Variants in EPSTI1 observed in about 807,000 individuals in gnomAD.
EPSTI1 encodes epithelial stromal interaction 1, also known as epithelial-stromal interaction protein 1.
EPSTI1 carries 66 observed loss-of-function variants against 49.9 expected under a neutral mutation model. The ratio of observed to expected loss-of-function variants is 1.32; its 90% CI spans 1.08 to 1.62. The LOEUF (loss-of-function observed/expected upper bound fraction) is 1.62, where lower values mean the gene tolerates loss of function less well. EPSTI1 is among the 40% of genes most tolerant of loss of function. The pLI, the probability that EPSTI1 is intolerant of heterozygous loss-of-function variation, is 0.00. For missense variants in EPSTI1, 394 were observed against 365.5 expected (o/e 1.08, Z -0.64); for synonymous variants, 137 against 130.7 (o/e 1.05, Z -0.33).
chr13:42,939,651 T>C (rs1306735014), intron 6 of EPSTI1, among the ~76,000 whole-genome samples: 1 of 152,040 alleles, frequency 6.6e-6, no homozygotes. Context: ...CCCAAAACAA[T>C]TACAATAGTA....
chr13:42,989,014 C>T (rs546524377), intron 1 of EPSTI1, among the ~76,000 whole-genome samples: 5 of 147,970 alleles, frequency 3.4e-5, no homozygotes, highest in South Asian at 4.4e-4. Flanking sequence ...TATGTGCCAC[C>T]GTGCCCAGAT....
intron 1 of EPSTI1, among the ~76,000 whole-genome samples, chr13:42,986,482 C>T (rs554369843): frequency 3.9e-5 from 6 of 152,100 alleles, no homozygotes; most frequent in Non-Finnish European, 7.4e-5. Context: ...CAGTGGCTCA[C>T]GCCTGTAATC....
At chr13:42,968,933 C>CAA (rs2039692660) in intron 3 of EPSTI1, among the ~76,000 whole-genome samples, 161 bp downstream of exon 3, 1 of 128,286 alleles carries the variant, frequency 7.8e-6, no homozygotes, top group Admixed American at 8.2e-5. Context: ...CACACACACA[C>CAA]ACACACACAC....
chr13:42,902,947 A>G (rs186199676), intron 8 of EPSTI1, among the ~76,000 whole-genome samples: 1 of 152,358 alleles, frequency 6.6e-6, no homozygotes, highest in East Asian at 1.9e-4. Flanking sequence ...AGTCATGTCC[A>G]GAACTACAGG....
chr13:42,963,242 T>G lies in EPSTI1; in HGVS notation c.489+13A>C, dbSNP rs1192124150. 1.2e-5 allele frequency: 20 copies of G among 1,604,732 alleles called. No homozygotes were observed. The highest frequency in any genetic ancestry group is 1.7e-5 in the Non-Finnish European group (20 of 1,172,442). On this transcript the variant is annotated intron_variant, in intron 5 of 10. Coordinates refer to ENST00000313624, the MANE Select transcript of EPSTI1 (RefSeq NM_033255.5). ...TTGATCAGCAAATGTGAACTAATCCTCCTCCTCCTTACCTTCTCTCTCTGA... is the reference window on the plus strand; with the variant it reads ...TTGATCAGCAAATGTGAACTAATCCGCCTCCTCCTTACCTTCTCTCTCTGA...
chr13:42,893,330 G>A (rs2037093870), intron 10 of EPSTI1, among the ~76,000 whole-genome samples: 1 of 152,212 alleles, frequency 6.6e-6, no homozygotes, highest in South Asian at 2.1e-4. Context: ...TCCCCCAGGA[G>A]GTGGAGAAGA....
intron 10 of EPSTI1, among the ~76,000 whole-genome samples, chr13:42,891,001 G>A (rs1302893510): frequency 6.6e-6 from 1 of 152,074 alleles, no homozygotes; most frequent in East Asian, 1.9e-4. Context: ...TGAGATGATC[G>A]TATGGAGTTT....
chr13:42,975,862 G>A (rs2039872021), intron 1 of EPSTI1, among the ~76,000 whole-genome samples: 1 of 152,166 alleles, frequency 6.6e-6, no homozygotes, highest in South Asian at 2.1e-4. Context: ...TATAAAGAGT[G>A]TATATGAAGT....
intron 3 of EPSTI1, among the ~76,000 whole-genome samples, chr13:42,964,873 G>A (rs2039560993): frequency 6.6e-6 from 1 of 152,178 alleles, no homozygotes; most frequent in Non-Finnish European, 1.5e-5. Context: ...AGCTTGGTGT[G>A]CGTATTATAA....
intron 6 of EPSTI1, among the ~76,000 whole-genome samples, chr13:42,944,714 T>TG (rs139329224): frequency 0.061 from 9,276 of 152,234 alleles, 954 homozygotes; most frequent in African/African-American, 0.21. Context: ...AGCTAGGCCT[T>TG]GGTGTTCTCC....
Position 42,922,034 on chromosome 13 carries a change from A to G in EPSTI1, c.657+4302T>C, listed in dbSNP as rs2038015617. On this transcript the variant is annotated intron_variant, in intron 7 of 10. Transcript: ENST00000313624. This position sits in a 1 kb window ranked among gnomAD's most constrained non-coding sequence, Gnocchi z 4.8. ...ATAAAATGTTTAAAGAGTTGTACAGAAGATATAACCAGAGTATACCGACTG... is the reference window on the plus strand; with the variant it reads ...ATAAAATGTTTAAAGAGTTGTACAGGAGATATAACCAGAGTATACCGACTG... 1.3e-5 allele frequency among the ~76,000 whole-genome samples: 2 copies of G among 152,256 alleles called. No individual in the cohort carries two copies.
At chr13:42,971,944 A>G (rs1451387283) in intron 1 of EPSTI1, among the ~76,000 whole-genome samples, 1 of 152,186 alleles carries the variant, frequency 6.6e-6, no homozygotes, top group Non-Finnish European at 1.5e-5. Flanking sequence ...AAATTAGGAG[A>G]CTGCCACTGG....
chr13:42,910,976 T>C (rs996980487), intron 8 of EPSTI1, among the ~76,000 whole-genome samples: 5 of 152,242 alleles, frequency 3.3e-5, no homozygotes, highest in Admixed American at 1.3e-4. Context: ...TTTTAATTGA[T>C]AGTAAAGATT....
chr13:42,969,008 T>G, intron 3 of EPSTI1, 86 bp downstream of exon 3: 1 of 1,279,780 alleles, frequency 7.8e-7, no homozygotes, highest in Non-Finnish European at 1.1e-6. Context: ...ACAATGGACA[T>G]TCACAGACAG....
chr13:42,990,596 C>T (rs1461760566), intron 1 of EPSTI1, among the ~76,000 whole-genome samples: 9 of 152,138 alleles, frequency 5.9e-5, no homozygotes, highest in African/African-American at 1.9e-4. Context: ...TAATTGGCTG[C>T]TTCTACTGTG....
At chr13:42,951,554 G>A (rs2039096792) in intron 6 of EPSTI1, among the ~76,000 whole-genome samples, 1 of 152,196 alleles carries the variant, frequency 6.6e-6, no homozygotes, top group African/African-American at 2.4e-5. Context: ...AGGCCAGGTG[G>A]CTGAGGGCAA....
chr13:42,983,903 G>A (rs2040033683), intron 1 of EPSTI1, among the ~76,000 whole-genome samples: 1 of 152,006 alleles, frequency 6.6e-6, no homozygotes, highest in Non-Finnish European at 1.5e-5. Context: ...GTCTCTCAGG[G>A]GTACCCAGTT....
At chr13:42,958,638 A>AG (rs2039347323) in intron 5 of EPSTI1, among the ~76,000 whole-genome samples, 1 of 152,178 alleles carries the variant, frequency 6.6e-6, no homozygotes, top group African/African-American at 2.4e-5. Context: ...AGGGAGAGTA[A>AG]GAAAAGAGAA....
intron 5 of EPSTI1, among the ~76,000 whole-genome samples, chr13:42,962,771 C>A (rs1428906508): frequency 6.6e-6 from 1 of 151,676 alleles, no homozygotes; most frequent in African/African-American, 2.4e-5. Context: ...CAGAGTGAGA[C>A]CCCGTCTCAA....
Sources: gnomAD v4.1 joint callset for allele counts (sites outside exome capture counted in the v4.1 genomes callset) on GRCh38, gnomAD v4.1.1 for gene constraint, Gnocchi (gnomAD v3.1) non-coding constraint, MANE v1.5 for transcripts, NCBI Gene and HGNC (gene_info 2026-07-23, HGNC 2026-07-21) for gene names.